Variants in ZNF654 observed in about 807,000 individuals in gnomAD.
ZNF654 encodes melanoma-associated antigen.
A neutral mutation model predicts 95.3 loss-of-function variants in ZNF654; 19 were observed. That is an observed-to-expected ratio of 0.20 (90% CI 0.14 to 0.29). The LOEUF (loss-of-function observed/expected upper bound fraction) is 0.29. ZNF654 is among the 10% of genes least tolerant of loss of function. The pLI is 1.00. For synonymous variants in ZNF654, 413 were observed against 457.9 expected (o/e 0.90, Z 1.25); for missense variants, 1,046 against 1,341.0 (o/e 0.78, Z 3.44).
At position 88,072,175 on chromosome 3, in the gene ZNF654, A is replaced by G. The variant is rs73844850; in HGVS notation, c.186+12670A>G. Among the ~76,000 whole-genome samples the G allele has an allele frequency of 3.0e-3, 461 of 152,326 alleles. 3 individuals are homozygous for G. Among genetic ancestry groups the G allele is most frequent in the African/African-American group, 0.011 (443 of 41,568 alleles). On this transcript the variant is annotated intron_variant, in intron 1 of 8. Coordinates refer to ENST00000636215, the MANE Select transcript of ZNF654 (RefSeq NM_001350134.2). ...ATCCTTGCTCTAAAGGAACTGAATT[A>G]TCTAGTAAGGGAGAAAAGGCATATC...
At chr3:88,124,845 T>G (rs1705992667) in intron 3 of ZNF654, among the ~76,000 whole-genome samples, 1 of 152,132 alleles carries the variant, frequency 6.6e-6, no homozygotes, top group Admixed American at 6.6e-5. Flanking sequence ...TTTATGCATT[T>G]TTGAAAATAA....
intron 1 of ZNF654, among the ~76,000 whole-genome samples, chr3:88,061,229 A>C (rs1706863680): frequency 6.6e-6 from 1 of 152,126 alleles, no homozygotes; most frequent in Non-Finnish European, 1.5e-5. Context: ...AAATCTATTT[A>C]ATTTGTTTGT....
At chr3:88,119,861 T>C (rs578160081) in intron 3 of ZNF654, among the ~76,000 whole-genome samples, 2 of 152,328 alleles carry the variant, frequency 1.3e-5, no homozygotes, top group East Asian at 3.9e-4. Flanking sequence ...CCAACTAATT[T>C]TGAAATATGA....
chr3:88,089,117 G>A lies in ZNF654; in HGVS notation c.332+2715G>A, dbSNP rs559591470. Among the ~76,000 whole-genome samples the A allele has an allele frequency of 6.6e-5, 10 of 151,134 alleles. No homozygotes were observed. In the East Asian group the frequency reaches 1.2e-3, roughly 18 times the overall value. ...AAAATTATATTTATTTTGTGATGCC[G>A]GAAGGAATATGTGAATTTATTTGTA... is the stretch of plus-strand genomic sequence containing the variant. On this transcript the variant is annotated intron_variant, in intron 2 of 8. Transcript: ENST00000636215.
chr3:88,097,715 C>G (rs764054228), intron 2 of ZNF654, among the ~76,000 whole-genome samples: 1 of 152,136 alleles, frequency 6.6e-6, no homozygotes, highest in Non-Finnish European at 1.5e-5. Context: ...AACTGAACAA[C>G]CGGCTCCTGA....
intron 2 of ZNF654, among the ~76,000 whole-genome samples, chr3:88,105,032 C>G (rs1214765819): frequency 6.6e-6 from 1 of 152,088 alleles, no homozygotes; most frequent in South Asian, 2.1e-4. Context: ...CCCAGCTACT[C>G]GGGAGACTGA....
At chr3:88,107,432 C>T (rs1704811964) in intron 2 of ZNF654, among the ~76,000 whole-genome samples, 1 of 152,064 alleles carries the variant, frequency 6.6e-6, no homozygotes. Context: ...ATCCACTGCT[C>T]TTTATTGGTA....
rs909175087 is a variant in ZNF654, at chr3:88,141,690, G to C, written c.*38G>C. 3 of 1,466,824 alleles carry C rather than the reference G, an allele frequency of 2.0e-6. No homozygotes were observed. The highest frequency in any genetic ancestry group is 2.8e-6 in the Non-Finnish European group (3 of 1,089,016). 90.9% of individuals were successfully genotyped at this position (1,466,824 alleles called of 1,614,324 possible). ...AGAAAGATCTGTCAATCAAGCAGTA[G>C]TGTGAAAAAAGCACTATAAGAAAAT... On this transcript the variant is annotated 3_prime_UTR_variant, in exon 9 of 9. Coordinates refer to ENST00000636215, the MANE Select transcript of ZNF654 (RefSeq NM_001350134.2).
At chr3:88,077,181 A>G (rs1240448187) in intron 1 of ZNF654, among the ~76,000 whole-genome samples, 2 of 152,128 alleles carry the variant, frequency 1.3e-5, no homozygotes, top group Non-Finnish European at 2.9e-5. Flanking sequence ...TAAGAATCAG[A>G]ATAGGGGAGG....
chr3:88,065,420 T>C (rs1707140670), intron 1 of ZNF654, among the ~76,000 whole-genome samples: 1 of 152,164 alleles, frequency 6.6e-6, no homozygotes. Flanking sequence ...TTAGTACATA[T>C]AATGTAATCC....
chr3:88,103,651 A>G (rs533622387), intron 2 of ZNF654, among the ~76,000 whole-genome samples: 70 of 152,306 alleles, frequency 4.6e-4, no homozygotes, highest in African/African-American at 1.4e-3. Context: ...AAAAAAAGAC[A>G]TGATCCAAAG....
At chr3:88,118,920 C>T (rs977898030) in intron 3 of ZNF654, among the ~76,000 whole-genome samples, 7 of 150,206 alleles carry the variant, frequency 4.7e-5, no homozygotes, top group Admixed American at 2.0e-4. Context: ...AATAGGAACA[C>T]TTTTACACTG....
At chr3:88,111,660 T>C (rs905103528) in intron 2 of ZNF654, among the ~76,000 whole-genome samples, 1 of 152,026 alleles carries the variant, frequency 6.6e-6, no homozygotes, top group Non-Finnish European at 1.5e-5. Context: ...TATATTGTTG[T>C]TTCTGTCTTT....
At chr3:88,103,546 A>T (rs1413474122) in intron 2 of ZNF654, among the ~76,000 whole-genome samples, 1 of 152,164 alleles carries the variant, frequency 6.6e-6, no homozygotes, top group African/African-American at 2.4e-5. Flanking sequence ...GAGGCAGAAT[A>T]AATATTGACA....
At chr3:88,077,322 C>G (rs1707860649) in intron 1 of ZNF654, among the ~76,000 whole-genome samples, 1 of 151,292 alleles carries the variant, frequency 6.6e-6, no homozygotes, top group African/African-American at 2.4e-5. Context: ...GAAAAAGTTG[C>G]AGACTTAAAT....
chr3:88,141,870 C>T lies in ZNF654; in HGVS notation c.*218C>T, dbSNP rs1707150372. 1 of 390,962 alleles carries T rather than the reference C, an allele frequency of 2.6e-6. No homozygotes were observed. The highest frequency in any genetic ancestry group is 4.6e-6 in the Non-Finnish European group (1 of 215,904). 24.2% of individuals were successfully genotyped at this position (390,962 alleles called of 1,614,324 possible). A position where few individuals can be genotyped will look rare whatever the true frequency, so the allele number is the denominator to read the frequency against. ...ATAAAACTCCCAAAGTACCAGTTTT[C>T]CAGAAAACCACATTTTACAGTTTAT... On this transcript the variant is annotated 3_prime_UTR_variant, in exon 9 of 9. Transcript: ENST00000636215.
At chr3:88,127,287 G>A (rs1370441816) in intron 4 of ZNF654, among the ~76,000 whole-genome samples, 3 of 152,044 alleles carry the variant, frequency 2.0e-5, no homozygotes, top group African/African-American at 7.2e-5. Context: ...AGGGGTTAGG[G>A]TGGGTTGTGA....
At chr3:88,092,144 A>G (rs374932190) in intron 2 of ZNF654, among the ~76,000 whole-genome samples, 5 of 152,310 alleles carry the variant, frequency 3.3e-5, no homozygotes, top group African/African-American at 1.2e-4. Flanking sequence ...ATACCAGAAG[A>G]AAAATGGGGA....
intron 5 of ZNF654, among the ~76,000 whole-genome samples, chr3:88,129,321 T>TAAAAAAAAAA (rs11370327): frequency 2.6e-5 from 2 of 76,930 alleles, no homozygotes; most frequent in African/African-American, 5.3e-5. Context: ...TTGCCAGGAG[T>TAAAAAAAAAA]AAAAAAAAAA....
Sources: allele counts gnomAD v4.1 joint callset (sites outside exome capture counted in the v4.1 genomes callset), GRCh38; gene constraint gnomAD v4.1.1; transcripts MANE v1.5; gene names NCBI Gene and HGNC (gene_info 2026-07-23, HGNC 2026-07-21).